GRXCR2: variants seen among roughly 807,000 people sequenced by gnomAD.
GRXCR2 encodes glutaredoxin and cysteine rich domain containing 2.
A neutral mutation model predicts 24.8 loss-of-function variants in GRXCR2; 23 were observed. That is an observed-to-expected ratio of 0.93 (90% CI 0.67 to 1.32). The LOEUF is 1.32. Among genes scored for constraint, GRXCR2 ranks in the 40% most tolerant of loss-of-function variants. The probability of loss-of-function intolerance (pLI) is 0.00; values close to 1 mark genes in which losing one functional copy is unlikely to be tolerated. For synonymous variants in GRXCR2, 130 were observed against 116.1 expected (o/e 1.12, Z -0.77); for missense variants, 315 against 303.4 (o/e 1.04, Z -0.28).
intron 2 of GRXCR2, among the ~76,000 whole-genome samples, chr5:145,865,774 A>G (rs1423941990): frequency 6.6e-6 from 1 of 152,230 alleles, no homozygotes; most frequent in African/African-American, 2.4e-5. Context: ...ATGACTTTAC[A>G]TGATGTCTTC....
At chr5:145,891,149 G>A (rs1756859341) in intron 2 of GRXCR2, among the ~76,000 whole-genome samples, 1 of 152,102 alleles carries the variant, frequency 6.6e-6, no homozygotes, top group Non-Finnish European at 1.5e-5. Flanking sequence ...AAGACTTAAG[G>A]GGGAGGAGCC....
chr5:145,914,386 A>G (rs1381959189), intron 2 of GRXCR2, among the ~76,000 whole-genome samples: 2 of 152,088 alleles, frequency 1.3e-5, no homozygotes. Flanking sequence ...AAAAAAAATA[A>G]CAAATCTGGC....
At chr5:145,890,549 A>G (rs1756848957) in intron 2 of GRXCR2, among the ~76,000 whole-genome samples, 1 of 152,198 alleles carries the variant, frequency 6.6e-6, no homozygotes, top group African/African-American at 2.4e-5. Context: ...GAGAAATAAA[A>G]TATTTTCCAG....
intron 2 of GRXCR2, among the ~76,000 whole-genome samples, chr5:145,891,734 A>G (rs1756867409): frequency 6.6e-6 from 1 of 152,220 alleles, no homozygotes; most frequent in Admixed American, 6.5e-5. Context: ...AAAAGGCAGT[A>G]GACACCTCTG....
chr5:145,866,756 A>T, intron 1 of GRXCR2, 28 bp from the exon 2 acceptor site: 17 of 1,430,298 alleles, frequency 1.2e-5, no homozygotes, highest in Non-Finnish European at 1.6e-5. Flanking sequence ...GAGCATGGAA[A>T]CTTTACCACC....
intron 2 of GRXCR2, among the ~76,000 whole-genome samples, chr5:145,887,873 T>C (rs1756799326): frequency 6.6e-6 from 1 of 152,192 alleles, no homozygotes; most frequent in African/African-American, 2.4e-5. Context: ...ATCCTAGACA[T>C]ACACAGAGTG....
intron 2 of GRXCR2, among the ~76,000 whole-genome samples, chr5:145,881,851 T>C (rs1451798532): frequency 1.3e-5 from 2 of 152,082 alleles, no homozygotes; most frequent in African/African-American, 4.8e-5. Flanking sequence ...AACAGAGGCC[T>C]CAGAAATAAC....
chr5:145,930,657 C>T (rs1367199526), intron 2 of GRXCR2, among the ~76,000 whole-genome samples: 1 of 152,110 alleles, frequency 6.6e-6, no homozygotes, highest in Non-Finnish European at 1.5e-5. Context: ...GTTAGGGATA[C>T]ATTGTGTAAG....
chr5:145,893,406 C>A (rs1756900165), intron 2 of GRXCR2, among the ~76,000 whole-genome samples: 3 of 152,038 alleles, frequency 2.0e-5, no homozygotes, highest in East Asian at 1.9e-4. Flanking sequence ...TGCAGAGACA[C>A]ACATAGGCTC....
intron 1 of GRXCR2, among the ~76,000 whole-genome samples, chr5:145,872,345 T>C (rs1169900063): frequency 5.3e-5 from 8 of 152,234 alleles, no homozygotes; most frequent in Admixed American, 1.3e-4. Context: ...CACCTCTATT[T>C]AATTTACATT....
At chr5:145,920,071 C>T (rs946356498) in intron 2 of GRXCR2, among the ~76,000 whole-genome samples, 1 of 152,146 alleles carries the variant, frequency 6.6e-6, no homozygotes, top group African/African-American at 2.4e-5. Context: ...CTCTCCTCCT[C>T]ACTGTTTAGA....
At chr5:145,901,457 A>G (rs1757021409) in intron 2 of GRXCR2, among the ~76,000 whole-genome samples, 1 of 152,190 alleles carries the variant, frequency 6.6e-6, no homozygotes, top group Non-Finnish European at 1.5e-5. Context: ...TATGTGCTTG[A>G]CACAATGGTA....
intron 2 of GRXCR2, among the ~76,000 whole-genome samples, chr5:145,881,289 T>C (rs569829430): frequency 1.3e-5 from 2 of 152,324 alleles, no homozygotes; most frequent in Admixed American, 6.5e-5. Context: ...CCCTATTGTC[T>C]CAGCCCAAAA....
chr5:145,899,389 C>T (rs567660674), intron 2 of GRXCR2, among the ~76,000 whole-genome samples: 39 of 152,104 alleles, frequency 2.6e-4, no homozygotes, highest in African/African-American at 9.2e-4. Context: ...TAATTTTTCA[C>T]AGAATTGGAA....
chr5:145,920,714 TCA>T (rs1757309504), intron 2 of GRXCR2, among the ~76,000 whole-genome samples: 1 of 152,208 alleles, frequency 6.6e-6, no homozygotes, highest in Admixed American at 6.5e-5. Flanking sequence ...ATGCTGAACA[TCA>T]GTTACAGGTT....
In GRXCR2 at chr5:145,866,670, A is replaced by T. The variant is rs1293362081; in HGVS notation, c.395T>A (p.Ile132Asn). 6.2e-7 allele frequency: 1 copy of T among 1,613,896 alleles called. No individual in the cohort carries two copies. Among genetic ancestry groups the T allele is most frequent in the South Asian group, 1.1e-5 (1 of 91,080 alleles). Reference sequence around the variant, plus strand: ...ATCTCTCTTGTCCATTGGGGTTCGAATGATTTTCAGGTTATTAGTGTAGAT... The same window carrying T: ...ATCTCTCTTGTCCATTGGGGTTCGATTGATTTTCAGGTTATTAGTGTAGAT... ...IIIYTNNLKI[I>N]RTPMDKRDFV... Residue 132 changes from isoleucine to asparagine, a missense_variant, in exon 2 of 3, where the codon ATT becomes AAT. Transcript: ENST00000377976.
At chr5:145,876,199 A>G (rs1436530741), upstream of GRXCR2, among the ~76,000 whole-genome samples, 11 of 134,494 alleles carry the variant, frequency 8.2e-5, no homozygotes, top group African/African-American at 3.1e-4. Flanking sequence ...GTGTATATAT[A>G]TATATATATA....
At chr5:145,864,322 A>G (rs1756390697) in intron 2 of GRXCR2, among the ~76,000 whole-genome samples, 1 of 152,106 alleles carries the variant, frequency 6.6e-6, no homozygotes, top group Non-Finnish European at 1.5e-5. Context: ...AAGATGTGTA[A>G]GAGATGATGC....
Position 145,907,240 on chromosome 5 carries a change from T to A in GRXCR2, c.-70+28461A>T, listed in dbSNP as rs373449469. Among the ~76,000 whole-genome samples the A allele has an allele frequency of 5.6e-4, 85 of 152,156 alleles. 3 individuals are homozygous for A. In the South Asian group the frequency reaches 0.017, roughly 30 times the overall value. On this transcript the variant is annotated intron_variant, in intron 2 of 3. Transcript: ENST00000639411. ...ATGTACTGATGCAGATTTAAAACGA[T>A]TGCCCTGGCGGAATGCAGTGGTTCA...
Sources: gnomAD v4.1 joint callset for allele counts (sites outside exome capture counted in the v4.1 genomes callset) on GRCh38, gnomAD v4.1.1 for gene constraint, MANE v1.5 for transcripts, NCBI Gene and HGNC (gene_info 2026-07-23, HGNC 2026-07-21) for gene names.